ZNF331: variants seen among roughly 807,000 people sequenced by gnomAD.
The protein encoded by ZNF331 is C2H2-like zinc finger protein rearranged in thyroid adenomas.
A neutral mutation model predicts 7.0 loss-of-function variants in ZNF331; 2 were observed. The ratio of observed to expected loss-of-function variants is 0.29; its 90% CI spans 0.12 to 0.90. The LOEUF is 0.90. ZNF331 is among the 40% of genes least tolerant of loss of function. The pLI, the probability that ZNF331 is intolerant of heterozygous loss-of-function variation, is 0.58. For missense variants in ZNF331, 432 were observed against 587.7 expected (o/e 0.74, Z 2.74); for synonymous variants, 196 against 205.4 (o/e 0.95, Z 0.39).
intron 2 of ZNF331, among the ~76,000 whole-genome samples, chr19:53,544,351 C>A (rs934667622): frequency 2.0e-5 from 3 of 151,318 alleles, no homozygotes; most frequent in Admixed American, 1.3e-4. Context: ...GGAGACCATC[C>A]TGGCTAACAC....
exon 1 of ZNF331, chr19:53,521,117 A>C (rs534854767): frequency 6.6e-6 from 1 of 152,374 alleles, no homozygotes; most frequent in South Asian, 2.1e-4. Flanking sequence ...CCTGGATCTT[A>C]TCCCAACTGC....
Position 53,539,083 on chromosome 19 carries a change from C to G in ZNF331, c.-204-133C>G, listed in dbSNP as rs536306870. ...GTGGGAGACAGGGAGGGGGGCAGCT[C>G]CACGCGTCATCATCTCAATCGCCAC... On this transcript the variant is annotated intron_variant, in intron 1 of 5. Coordinates refer to ENST00000449416, the MANE Select transcript of ZNF331 (RefSeq NM_001079906.2). This position sits in a 1 kb window ranked among gnomAD's most constrained non-coding sequence, Gnocchi z 6.1. 6.6e-6 allele frequency: 1 copy of G among 152,264 alleles called. No individual in the cohort carries two copies. Among genetic ancestry groups the G allele is most frequent in the East Asian group, 1.9e-4 (1 of 5,154 alleles). 9.4% of individuals were successfully genotyped at this position (152,264 alleles called of 1,614,324 possible).
chr19:53,510,269 A>G, the ZNF331 span, among the ~76,000 whole-genome samples: 2 of 152,142 alleles, frequency 1.3e-5, no homozygotes, highest in South Asian at 4.1e-4. Flanking sequence ...AAAAGGATTC[A>G]GAGGAAACAT....
rs753725887 is a variant in ZNF331 at position 53,577,958 on chromosome 19, CT to C, written c.*10del. The C allele has an allele frequency of 4.4e-6, 7 of 1,605,342 alleles. No homozygotes were observed. In the African/African-American group the frequency reaches 9.4e-5, roughly 21 times the overall value. On this transcript the variant is annotated 3_prime_UTR_variant, in exon 6 of 6. Coordinates refer to ENST00000449416, the MANE Select transcript of ZNF331 (RefSeq NM_001079906.2). Reference sequence around the variant, plus strand: ...AGAGGATCCACAACAGTTGAAGAGCCTTTTGAACGCAGTAGCCCGCTCGTAT... The same window carrying C: ...AGAGGATCCACAACAGTTGAAGAGCCTTTGAACGCAGTAGCCCGCTCGTAT...
chr19:53,546,598 A>G (rs886419368), intron 2 of ZNF331, among the ~76,000 whole-genome samples: 4 of 151,708 alleles, frequency 2.6e-5, no homozygotes, highest in Non-Finnish European at 4.4e-5. Context: ...TTTATTTTAC[A>G]GTGTGCTTGG....
intron 3 of ZNF331, among the ~76,000 whole-genome samples, chr19:53,561,615 T>G (rs530911591): frequency 1.3e-5 from 2 of 152,238 alleles, no homozygotes; most frequent in African/African-American, 4.8e-5. Context: ...AAATTAAAGA[T>G]TCTAAGGTGG....
exon 1 of ZNF331, chr19:53,521,947 A>G (rs8100247): frequency 0.63 from 96,050 of 151,930 alleles, 30,930 homozygotes; most frequent in African/African-American, 0.76. Context: ...GCTCTACGCT[A>G]TTGTGAAAAT....
At chr19:53,550,957 A>G (rs1255834456) in intron 2 of ZNF331, among the ~76,000 whole-genome samples, 2 of 148,228 alleles carry the variant, frequency 1.3e-5, no homozygotes, top group African/African-American at 2.5e-5. Context: ...CTCTTCTCCT[A>G]CCTCAGCCTC....
chr19:53,515,506 T>A (rs368964981), upstream of ZNF331, among the ~76,000 whole-genome samples: 57 of 152,286 alleles, frequency 3.7e-4, no homozygotes, highest in Middle Eastern at 3.4e-3. Flanking sequence ...TGGTTGGTTG[T>A]TTGTTTTTGA....
At chr19:53,530,037 C>T (rs937197880) in intron 2 of ZNF331, among the ~76,000 whole-genome samples, 1 of 152,102 alleles carries the variant, frequency 6.6e-6, no homozygotes, top group Admixed American at 6.6e-5. Context: ...AGCATGGTAT[C>T]GACATCTGGC....
chr19:53,510,392 C>T, the ZNF331 span, among the ~76,000 whole-genome samples: 1 of 151,246 alleles, frequency 6.6e-6, no homozygotes, highest in Non-Finnish European at 1.5e-5. Context: ...TCAGAAGGCC[C>T]AGCACAACCT....
intron 3 of ZNF331, among the ~76,000 whole-genome samples, chr19:53,559,946 C>CCA (rs139634754): frequency 6.7e-6 from 1 of 148,920 alleles, no homozygotes; most frequent in Non-Finnish European, 1.5e-5. Context: ...TACATACACA[C>CCA]CACACACACA....
intron 3 of ZNF331, among the ~76,000 whole-genome samples, chr19:53,563,090 C>A (rs1014747465): frequency 6.8e-6 from 1 of 146,780 alleles, no homozygotes; most frequent in African/African-American, 2.5e-5. Flanking sequence ...TCCACACCCC[C>A]CCACCCCCCG....
chr19:53,519,394 G>C (rs1186375481), upstream of ZNF331, among the ~76,000 whole-genome samples: 1 of 152,198 alleles, frequency 6.6e-6, no homozygotes, highest in East Asian at 1.9e-4. Flanking sequence ...TTCAGGCAGT[G>C]AGAAATATCC....
chr19:53,554,542 C>T (rs2089242876), intron 2 of ZNF331: 1 of 152,234 alleles, frequency 6.6e-6, no homozygotes, highest in African/African-American at 2.4e-5. Flanking sequence ...CTGTGTGACG[C>T]ACTTGCGTGG....
chr19:53,568,976 C>T (rs1450814677), intron 3 of ZNF331, among the ~76,000 whole-genome samples: 1 of 151,744 alleles, frequency 6.6e-6, no homozygotes. Context: ...CCTGCCTCAA[C>T]CTCCCAAGTA....
At chr19:53,506,484 CTGTCTCTCTCTCTCTCTCTCTCTG>C in the ZNF331 span, among the ~76,000 whole-genome samples, 1 of 132,876 alleles carries the variant, frequency 7.5e-6, no homozygotes, top group Admixed American at 7.5e-5. Context: ...CTCTCTCTGT[CTGTCTCTCTCTCTCTCTCTCTCTG>C]TCTCTCTCTC....
At chr19:53,565,110 G>A (rs1317712553) in intron 3 of ZNF331, among the ~76,000 whole-genome samples, 1 of 152,168 alleles carries the variant, frequency 6.6e-6, no homozygotes, top group Admixed American at 6.5e-5. Context: ...GTCTGATTCA[G>A]TGGACTCAGC....
At chr19:53,566,164 C>T (rs2090144811) in intron 3 of ZNF331, among the ~76,000 whole-genome samples, 1 of 151,166 alleles carries the variant, frequency 6.6e-6, no homozygotes, top group Non-Finnish European at 1.5e-5. Context: ...CAGGCTCCCT[C>T]TTCCTCAGTC....
Sources: gnomAD v4.1 joint callset for allele counts (sites outside exome capture counted in the v4.1 genomes callset) on GRCh38, gnomAD v4.1.1 for gene constraint, Gnocchi (gnomAD v3.1) non-coding constraint, MANE v1.5 for transcripts, NCBI Gene and HGNC (gene_info 2026-07-23, HGNC 2026-07-21) for gene names.